GNAI2: variants seen among roughly 807,000 people sequenced by gnomAD.
The protein encoded by GNAI2 is guanine nucleotide-binding protein G(i) subunit alpha-2.
A neutral mutation model predicts 36.8 loss-of-function variants in GNAI2; 4 were observed. The observed-to-expected ratio is 0.11, with a 90% CI of 0.05 to 0.25. The LOEUF (loss-of-function observed/expected upper bound fraction) is 0.25. Ranked by LOEUF, GNAI2 falls within the 10% of genes least tolerant of loss-of-function variation. The probability of loss-of-function intolerance (pLI) is 1.00; values close to 1 mark genes in which losing one functional copy is unlikely to be tolerated. For missense variants in GNAI2, 230 were observed against 481.3 expected (o/e 0.48, Z 4.89); for synonymous variants, 194 against 194.1 (o/e 1.00, Z 0.01).
At chr3:50,257,766 G>T in intron 8 of GNAI2, 52 bp downstream of exon 8, 2 of 817,430 alleles carry the variant, frequency 2.4e-6, no homozygotes, top group South Asian at 2.1e-5. Flanking sequence ...AGCGGGCCTG[G>T]AGCCCCAGCA....
Position 50,236,994 on chromosome 3 carries a change from G to T in GNAI2, c.118+541G>T, listed in dbSNP as rs1432852435. ...TGCACTCTGACCCAAGGAACCTCTC[G>T]AGTGGGAAACTGCTCTTGAGCCCCA... On this transcript the variant is annotated intron_variant, in intron 1 of 8. Coordinates refer to ENST00000313601, the MANE Select transcript of GNAI2 (RefSeq NM_002070.4). The surrounding 1 kb of genome is among the most constrained non-coding windows in gnomAD (Gnocchi z 4.0). Among the ~76,000 whole-genome samples the T allele has an allele frequency of 1.3e-5, 2 of 152,074 alleles. No homozygotes were observed. The highest frequency in any genetic ancestry group is 2.9e-5 in the Non-Finnish European group (2 of 68,020).
intron 1 of GNAI2, among the ~76,000 whole-genome samples, chr3:50,249,393 T>C (rs1168166812): frequency 6.6e-6 from 1 of 152,212 alleles, no homozygotes; most frequent in Non-Finnish European, 1.5e-5. Flanking sequence ...GAGGCTTTCC[T>C]GGGACCTTTC....
chr3:50,236,734 G>A lies in GNAI2; in HGVS notation c.118+281G>A, dbSNP rs1332311275. On this transcript the variant is annotated intron_variant, in intron 1 of 8. Transcript: ENST00000313601. The surrounding 1 kb of genome is among the most constrained non-coding windows in gnomAD (Gnocchi z 4.0). ...GTGCCCTGCTTGGCCATCCCCCCTT[G>A]CTAACTAGCTTCACAGAACTTCAGA... 1.3e-5 allele frequency among the ~76,000 whole-genome samples: 2 copies of A among 151,692 alleles called. No individual in the cohort carries two copies. The highest frequency in any genetic ancestry group is 4.9e-5 in the African/African-American group (2 of 41,220).
At chr3:50,230,376 G>C (rs1021011977), upstream of GNAI2, 1 of 152,274 alleles carries the variant, frequency 6.6e-6, no homozygotes, top group Non-Finnish European at 1.5e-5. Flanking sequence ...ACAGGTCCTT[G>C]GCCAGGGACT....
Position 50,257,046 on chromosome 3 carries a change from A to G in GNAI2, c.833A>G (p.Lys278Arg). 6.2e-7 allele frequency: 1 copy of G among 1,614,062 alleles called. No individual in the cohort carries two copies. The highest frequency in any genetic ancestry group is 8.5e-7 in the Non-Finnish European group (1 of 1,179,886). The part of the protein sequence containing the change: ...FLNKKDLFEE[K>R]ITHSPLTICF... ...AACAAGAAGGACCTGTTTGAGGAGA[A>G]GATCACACACAGTCCCCTGACCATC... Residue 278 changes from lysine (K) to arginine (R), a missense_variant, in exon 7 of 9, where the codon AAG becomes AGG. Transcript: ENST00000313601.
chr3:50,244,480 T>C (rs1243958899), intron 1 of GNAI2, among the ~76,000 whole-genome samples: 1 of 152,198 alleles, frequency 6.6e-6, no homozygotes, highest in African/African-American at 2.4e-5. Flanking sequence ...AGACCAAGCC[T>C]GGGGAAGGCT....
rs587682433 is a variant in GNAI2, at chr3:50,254,689, CAAAG to C, written c.465-1502_465-1499del. ...CAGGGACCTTGGTGCCCATGATACT[CAAAG>C]GAAGCAGGAATAGAGCCACCTCCAG... is the stretch of plus-strand genomic sequence containing the variant. On this transcript the variant is annotated intron_variant, in intron 4 of 8. Coordinates refer to ENST00000313601, the MANE Select transcript of GNAI2 (RefSeq NM_002070.4). Among the ~76,000 whole-genome samples the C allele has an allele frequency of 1.8e-4, 27 of 152,350 alleles. No individual in the cohort carries two copies. In the South Asian group the frequency reaches 5.4e-3, roughly 30 times the overall value.
At chr3:50,246,387 G>A (rs1700425608) in intron 1 of GNAI2, among the ~76,000 whole-genome samples, 1 of 152,230 alleles carries the variant, frequency 6.6e-6, no homozygotes, top group Non-Finnish European at 1.5e-5. Flanking sequence ...GCGGGGCATG[G>A]GTCCCTAGGA....
In GNAI2 at chr3:50,242,742, G is replaced by T. The variant is rs1400726402; in HGVS notation, c.118+6289G>T. Among the ~76,000 whole-genome samples the T allele has an allele frequency of 2.6e-5, 4 of 152,184 alleles. No homozygotes were observed. Among genetic ancestry groups the T allele is most frequent in the Non-Finnish European group, 5.9e-5 (4 of 68,044 alleles). ...TGCCGGCCTCTGTGCACATTTACAAGGCTTGAAAGGCAGCACCACACCAGT... is the reference window on the plus strand; with the variant it reads ...TGCCGGCCTCTGTGCACATTTACAATGCTTGAAAGGCAGCACCACACCAGT... On this transcript the variant is annotated intron_variant, in intron 1 of 8. Transcript: ENST00000313601. The surrounding 1 kb of genome is among the most constrained non-coding windows in gnomAD (Gnocchi z 4.8).
chr3:50,248,385 GGACCCAGCCAGA>G (rs1700470439), intron 1 of GNAI2, among the ~76,000 whole-genome samples: 1 of 152,180 alleles, frequency 6.6e-6, no homozygotes, highest in Non-Finnish European at 1.5e-5. Flanking sequence ...GATGGAAAGA[GGACCCAGCCAGA>G]GATGGGGAGA....
At chr3:50,235,586 C>T (rs1553700214), upstream of GNAI2, among the ~76,000 whole-genome samples, 1 of 152,142 alleles carries the variant, frequency 6.6e-6, no homozygotes, top group African/African-American at 2.4e-5. Flanking sequence ...TCCTAAAGTG[C>T]TGGGATTACT....
intron 1 of GNAI2, among the ~76,000 whole-genome samples, chr3:50,237,831 G>T (rs587697450): frequency 6.6e-6 from 1 of 152,332 alleles, no homozygotes; most frequent in South Asian, 2.1e-4. Flanking sequence ...AAGTGCATGG[G>T]GGGGTGTGGC....
chr3:50,229,330 A>C (rs1700032691), upstream of GNAI2: 1 of 152,242 alleles, frequency 6.6e-6, no homozygotes, highest in Admixed American at 6.5e-5. Flanking sequence ...AAAGAAAAGG[A>C]GGGAGGTTAA....
intron 8 of GNAI2, 77 bp downstream of exon 8, chr3:50,257,791 T>A: frequency 1.0e-5 from 1 of 99,322 alleles, no homozygotes. Flanking sequence ...GTTCTGGGGG[T>A]GGGTAGGGGG....
In GNAI2 at chr3:50,241,970, C is replaced by T. The variant is rs1700308974; in HGVS notation, c.118+5517C>T. Among the ~76,000 whole-genome samples the T allele has an allele frequency of 6.6e-6, 1 of 152,092 alleles. No individual in the cohort carries two copies. On this transcript the variant is annotated intron_variant, in intron 1 of 8. Coordinates refer to ENST00000313601, the MANE Select transcript of GNAI2 (RefSeq NM_002070.4). This position sits in a 1 kb window ranked among gnomAD's most constrained non-coding sequence, Gnocchi z 5.0. ...GGGTGTGGTCAGGTCCCAGCAAGGTCCCTAGGCCTCCAGCACTGCAGGGGG... is the reference window on the plus strand; with the variant it reads ...GGGTGTGGTCAGGTCCCAGCAAGGTTCCTAGGCCTCCAGCACTGCAGGGGG...
At chr3:50,257,933 G>A (rs1463039102) in intron 8 of GNAI2, 2 of 435,174 alleles carry the variant, frequency 4.6e-6, no homozygotes, top group Middle Eastern at 5.9e-4. Context: ...CTGGCCCAGT[G>A]GTCCAGACAG....
At chr3:50,239,646 G>A (rs1246266119) in intron 1 of GNAI2, 1 of 152,260 alleles carries the variant, frequency 6.6e-6, no homozygotes, top group Non-Finnish European at 1.5e-5. Flanking sequence ...CCACAGGATT[G>A]GTGACCAGCA....
upstream of GNAI2, among the ~76,000 whole-genome samples, chr3:50,233,067 C>G (rs1336466664): frequency 6.6e-6 from 1 of 151,424 alleles, no homozygotes; most frequent in African/African-American, 2.4e-5. Context: ...GGGTTCTGAG[C>G]CCCCAGAGTG....
At position 50,256,201 on chromosome 3, in the gene GNAI2, C is replaced by T. The variant is rs199645073; in HGVS notation, c.474C>T (p.Asn158=). Residue 158 remains asparagine (N), a synonymous_variant, in exon 5 of 9, where the codon AAC becomes AAT. Coordinates refer to ENST00000313601, the MANE Select transcript of GNAI2 (RefSeq NM_002070.4). ...QLNDSAAYYL[N]DLERIAQSDY... ...CACCCCCCATCCCCAGCTACCTGAA[C>T]GACCTGGAGCGTATTGCACAGAGTG... 8.1e-5 allele frequency: 80 copies of T among 990,700 alleles called. No homozygotes were observed. The highest frequency in any genetic ancestry group is 7.9e-5 in the East Asian group (2 of 25,306). The allele number at this position is 990,700 out of a possible 1,614,324, so 61.4% of individuals were successfully genotyped here.
Sources: gnomAD v4.1 joint callset for allele counts (sites outside exome capture counted in the v4.1 genomes callset) on GRCh38, gnomAD v4.1.1 for gene constraint, Gnocchi (gnomAD v3.1) non-coding constraint, MANE v1.5 for transcripts, NCBI Gene and HGNC (gene_info 2026-07-23, HGNC 2026-07-21) for gene names.